Variants in PACS2 observed in about 807,000 individuals in gnomAD.
PACS2 encodes PACS1-like protein.
PACS2 carries 36 observed loss-of-function variants against 113.0 expected under a neutral mutation model. That is an observed-to-expected ratio of 0.32 (90% confidence interval 0.24 to 0.42). The LOEUF (loss-of-function observed/expected upper bound fraction) is 0.42. Ranked by LOEUF, PACS2 falls within the 10% of genes least tolerant of loss-of-function variation. The pLI, the probability that PACS2 is intolerant of heterozygous loss-of-function variation, is 1.00. For synonymous variants in PACS2, 589 were observed against 536.1 expected, an observed-to-expected ratio of 1.10 and a Z score of -1.36; for missense variants, 1,015 against 1,239.5, an observed-to-expected ratio of 0.82 and a Z score of 2.72.
At position 105,356,683 on chromosome 14, in the gene PACS2, C is replaced by A. The variant is rs2141061689; in HGVS notation, c.423+1506C>A. On this transcript the variant is annotated intron_variant, in intron 4 of 24. Coordinates refer to ENST00000447393, the MANE Select transcript of PACS2 (RefSeq NM_001100913.3). This position sits in a 1 kb window ranked among gnomAD's most constrained non-coding sequence, Gnocchi z 4.0. ...GCCATGCAGGCGAGGTCCTGCTGAT[C>A]CCTGCCGGTCCCTGTGTTTCCCATT... is the stretch of plus-strand genomic sequence containing the variant. 6.6e-6 allele frequency among the ~76,000 whole-genome samples: 1 copy of A among 151,990 alleles called. No homozygotes were observed. The highest frequency in any genetic ancestry group is 2.4e-5 in the African/African-American group (1 of 41,444).
chr14:105,380,927 G>A (rs782427136), intron 11 of PACS2, 30 bp from the exon 12 acceptor site: 30 of 1,588,230 alleles, frequency 1.9e-5, no homozygotes, highest in Non-Finnish European at 2.5e-5. Flanking sequence ...GGTTTCCACG[G>A]GAGGCTCCAG....
rs782707441 is a variant in PACS2 at position 105,369,894 on chromosome 14, C to T, written c.795C>T (p.Ser265=). The T allele has an allele frequency of 9.4e-6, 15 of 1,602,408 alleles. No homozygotes were observed. In the Admixed American group the frequency reaches 1.3e-4, roughly 14 times the overall value. Residue 265 remains serine, a synonymous_variant, in exon 8 of 25, where the codon TCC becomes TCT. Coordinates refer to ENST00000447393, the MANE Select transcript of PACS2 (RefSeq NM_001100913.3). Reference sequence around the variant, plus strand: ...CGCTGCTGCGGAGGTTCAAAGTGTCCGACGAGGTGAGTGCGCCGCGCCTTC... The same window carrying T: ...CGCTGCTGCGGAGGTTCAAAGTGTCTGACGAGGTGAGTGCGCCGCGCCTTC... ...VVALLRRFKV[S]DEVLDSEQDP...
chr14:105,328,363 A>G (rs2059196210), intron 1 of PACS2, among the ~76,000 whole-genome samples: 1 of 152,112 alleles, frequency 6.6e-6, no homozygotes, highest in Non-Finnish European at 1.5e-5. Context: ...GGTGCAAACC[A>G]CCCACTGCCT....
chr14:105,390,989 G>A, intron 20 of PACS2: 1 of 595,920 alleles, frequency 1.7e-6, no homozygotes, highest in Non-Finnish European at 3.0e-6. Context: ...CTCCTGCTGA[G>A]GCCACGCACC....
At position 105,352,480 on chromosome 14, in the gene PACS2, C is replaced by T; in HGVS notation, c.297+13C>T. 6.5e-7 allele frequency: 1 copy of T among 1,544,706 alleles called. No individual in the cohort carries two copies. The highest frequency in any genetic ancestry group is 8.9e-7 in the Non-Finnish European group (1 of 1,117,654). On this transcript the variant is annotated intron_variant, in intron 3 of 24. Transcript: ENST00000447393. ...CTTCTCCTTGCAGGTGAGTCTTTCA[C>T]CAGTGGTGACGACACCCTCATCACT...
chr14:105,378,361 G>C (rs2080859988), intron 9 of PACS2, among the ~76,000 whole-genome samples: 1 of 152,222 alleles, frequency 6.6e-6, no homozygotes, highest in South Asian at 2.1e-4. Flanking sequence ...TGTCACCCAG[G>C]GTGGAGCAGC....
chr14:105,314,136 G>GGCCACCTCCTT (rs1189506016), upstream of PACS2, among the ~76,000 whole-genome samples: 1 of 152,194 alleles, frequency 6.6e-6, no homozygotes, highest in Non-Finnish European at 1.5e-5. Context: ...CGCCAGGCCC[G>GGCCACCTCCTT]GCCACCTCCT....
At chr14:105,389,848 G>A (rs1181789108) in intron 19 of PACS2, 113 bp from the exon 20 acceptor site, 49 of 949,588 alleles carry the variant, frequency 5.2e-5, no homozygotes, top group Admixed American at 3.4e-4. Flanking sequence ...AGGGCCATCC[G>A]GCAGGGCCGC....
chr14:105,374,244 A>G (rs2061263349), intron 8 of PACS2, among the ~76,000 whole-genome samples: 1 of 152,092 alleles, frequency 6.6e-6, no homozygotes, highest in Admixed American at 6.5e-5. Flanking sequence ...GGCCAATCTT[A>G]TGACCTTGGG....
intron 2 of PACS2, among the ~76,000 whole-genome samples, chr14:105,349,562 C>G (rs1555403435): frequency 1.3e-5 from 2 of 152,270 alleles, no homozygotes; most frequent in African/African-American, 4.8e-5. Flanking sequence ...TGAGCCTCGG[C>G]CAGTGTGGCT....
At position 105,380,970 on chromosome 14, in the gene PACS2, C is replaced by T. The variant is rs374328880; in HGVS notation, c.1139C>T (p.Pro380Leu). 6.6e-5 allele frequency: 107 copies of T among 1,611,016 alleles called. 1 individual carries two copies. The Middle Eastern group carries it at 2.0e-3, about 30-fold the overall frequency. Residue 380 changes from proline to leucine, a missense_variant, in exon 12 of 25, where the codon CCG becomes CTG. Physicochemically the swap from Pro to Leu is moderately conservative, Grantham distance 98 (BLOSUM62 -3). Around this residue, in one of 3 missense-constraint regions of PACS2, gnomAD observed 859 missense variants for 1,056.8 expected, o/e 0.81. Transcript: ENST00000447393. ...TCTGCTCAGCAGGGTGTGCCAGGCCCGAGGGAGCACCCTGGACAGCCTGAG... is the reference window on the plus strand; with the variant it reads ...TCTGCTCAGCAGGGTGTGCCAGGCCTGAGGGAGCACCCTGGACAGCCTGAG... ...SDTVALGVPG[P>L]REHPGQPEDS...
At chr14:105,359,587 C>CTTTTTTTT (rs1162190552) in intron 4 of PACS2, among the ~76,000 whole-genome samples, 8 of 101,804 alleles carry the variant, frequency 7.9e-5, no homozygotes, top group East Asian at 2.7e-4. Context: ...GTATTTCTTT[C>CTTTTTTTT]TTTTTTTTTT....
Position 105,357,868 on chromosome 14 carries a change from G to A in PACS2, c.423+2691G>A, listed in dbSNP as rs1235241976. On this transcript the variant is annotated intron_variant, in intron 4 of 24. Transcript: ENST00000447393. The surrounding 1 kb of genome is among the most constrained non-coding windows in gnomAD (Gnocchi z 5.1). ...GGCTGGCGCCATGCATTTGAGAGTA[G>A]TGCTCGGCGGTGGGGAAGGGTCCTT... Among the ~76,000 whole-genome samples the A allele has an allele frequency of 6.6e-6, 1 of 152,154 alleles. No individual in the cohort carries two copies. The highest frequency in any genetic ancestry group is 1.5e-5 in the Non-Finnish European group (1 of 68,032).
At position 105,376,254 on chromosome 14, in the gene PACS2, G is replaced by A. The variant is rs2080768863; in HGVS notation, c.802-514G>A. 6.6e-6 allele frequency among the ~76,000 whole-genome samples: 1 copy of A among 151,932 alleles called. No homozygotes were observed. The highest frequency in any genetic ancestry group is 2.4e-5 in the African/African-American group (1 of 41,306). On this transcript the variant is annotated intron_variant, in intron 8 of 24. Transcript: ENST00000447393. This position sits in a 1 kb window ranked among gnomAD's most constrained non-coding sequence, Gnocchi z 4.7. ...GAACATGAAGTGTGCCACGCTGGGT[G>A]GATGACGCCCTCCTCCCCCCGCCAC...
intron 19 of PACS2, chr14:105,388,869 A>G (rs1240904482): frequency 6.6e-6 from 1 of 152,516 alleles, no homozygotes; most frequent in Non-Finnish European, 1.5e-5. Context: ...CTCTGTCCCT[A>G]CGTGCAGGCC....
Position 105,391,923 on chromosome 14 carries a change from G to A in PACS2, c.2255+157G>A, listed in dbSNP as rs587615356. The A allele has an allele frequency of 2.7e-5, 18 of 678,676 alleles. No individual in the cohort carries two copies. In the African/African-American group the frequency reaches 3.0e-4, roughly 11 times the overall value. 42.0% of individuals were successfully genotyped at this position (678,676 alleles called of 1,614,324 possible). A position where few individuals can be genotyped will look rare whatever the true frequency, so the allele number is the denominator to read the frequency against. ...TCTGCAGGACGGCTGGGTCCTCTCT[G>A]GCCACCTCCTGCCACAGATCTGGTG... On this transcript the variant is annotated intron_variant, in intron 22 of 24. Coordinates refer to ENST00000447393, the MANE Select transcript of PACS2 (RefSeq NM_001100913.3).
intron 9 of PACS2, among the ~76,000 whole-genome samples, chr14:105,379,037 C>T (rs587766996): frequency 2.6e-5 from 4 of 151,738 alleles, no homozygotes; most frequent in Admixed American, 2.0e-4. Flanking sequence ...CCTGGATGGT[C>T]GGGAAGGGCC....
rs1459236160 is a variant in PACS2, at chr14:105,321,333, G to A, written c.119+6296G>A. 6.3e-5 allele frequency among the ~76,000 whole-genome samples: 9 copies of A among 142,810 alleles called. No individual in the cohort carries two copies. In the South Asian group the frequency reaches 1.0e-3, roughly 17 times the overall value. The allele number at this position is 142,810 out of a possible 152,430, so 93.7% of individuals were successfully genotyped here. On this transcript the variant is annotated intron_variant, in intron 1 of 24. Coordinates refer to ENST00000447393, the MANE Select transcript of PACS2 (RefSeq NM_001100913.3). ...TATAATCTGAGAATAGATTGGTCCG[G>A]GTTTTCTAACAGTTCTGTCAGTTTC...
intron 3 of PACS2, among the ~76,000 whole-genome samples, chr14:105,353,604 G>C (rs183559145): frequency 1.1e-4 from 16 of 151,674 alleles, no homozygotes; most frequent in Non-Finnish European, 1.6e-4. Context: ...TTTGTTTTTT[G>C]TTTGTTTGTT....
Sources: gnomAD v4.1 joint callset for allele counts (sites outside exome capture counted in the v4.1 genomes callset) on GRCh38, gnomAD v4.1.1 for gene constraint, gnomAD v4.1.1 regional missense constraint, Gnocchi (gnomAD v3.1) non-coding constraint, MANE v1.5 for transcripts, NCBI Gene and HGNC (gene_info 2026-07-23, HGNC 2026-07-21) for gene names.